RBM19: variants seen among roughly 807,000 people sequenced by gnomAD.
The protein encoded by RBM19 is probable RNA-binding protein 19.
In RBM19, 94 loss-of-function variants were observed where a neutral mutation model predicts 116.8. The ratio of observed to expected loss-of-function variants is 0.80; its 90% CI spans 0.68 to 0.95. The LOEUF (loss-of-function observed/expected upper bound fraction) is 0.95. RBM19 is among the 40% of genes least tolerant of loss of function. RBM19 has a pLI of 0.00. For synonymous variants in RBM19, 475 were observed against 494.1 expected, an observed-to-expected ratio of 0.96 and a Z score of 0.51; for missense variants, 1,161 against 1,220.7, an observed-to-expected ratio of 0.95 and a Z score of 0.73.
chr12:113,937,004 T>C lies in RBM19; in HGVS notation c.2068+3A>G. ...CCATCCTGGTCTCAGACTCAGCTCT[T>C]ACCTGTTTCTGGCTCTGCTGGGTCC... On this transcript the variant is annotated splice_donor_region_variant and intron_variant, in intron 16 of 23. Transcript: ENST00000261741. 3.7e-6 allele frequency: 6 copies of C among 1,613,726 alleles called. No individual in the cohort carries two copies. The highest frequency in any genetic ancestry group is 2.2e-5 in the South Asian group (2 of 91,036).
At chr12:113,962,032 C>T in intron 2 of RBM19, among the ~76,000 whole-genome samples, 200 bp downstream of exon 2, 1 of 152,218 alleles carries the variant, frequency 6.6e-6, no homozygotes, top group East Asian at 1.9e-4. Context: ...GAATCAGATG[C>T]TCTGGGGACG....
chr12:113,915,141 C>A, intron 20 of RBM19, 56 bp from the exon 21 acceptor site: 1 of 1,337,292 alleles, frequency 7.5e-7, no homozygotes, highest in Non-Finnish European at 1.1e-6. Context: ...AGCTCCTGCC[C>A]AACATTGACT....
intron 21 of RBM19, among the ~76,000 whole-genome samples, chr12:113,870,425 G>A (rs747603961): frequency 1.2e-4 from 19 of 152,216 alleles, no homozygotes; most frequent in Non-Finnish European, 2.2e-4. Flanking sequence ...GTGGTCTGCA[G>A]AGCATGAATC....
chr12:113,931,165 G>A (rs963025750), intron 16 of RBM19, among the ~76,000 whole-genome samples: 1 of 152,148 alleles, frequency 6.6e-6, no homozygotes, highest in African/African-American at 2.4e-5. Context: ...AAATTAATGT[G>A]AGTATATTGT....
At chr12:113,960,533 C>G (rs1281498529) in intron 2 of RBM19, among the ~76,000 whole-genome samples, 1 of 152,182 alleles carries the variant, frequency 6.6e-6, no homozygotes, top group Non-Finnish European at 1.5e-5. Context: ...GAAATTGGAG[C>G]ATCAAGAAGT....
intron 21 of RBM19, among the ~76,000 whole-genome samples, chr12:113,897,037 C>T (rs1237489178): frequency 6.6e-6 from 1 of 152,194 alleles, no homozygotes; most frequent in African/African-American, 2.4e-5. Context: ...CCTGAGGTGC[C>T]TTGGTACACA....
intron 21 of RBM19, among the ~76,000 whole-genome samples, chr12:113,896,595 G>GT (rs1343590898): frequency 1.3e-5 from 2 of 152,206 alleles, no homozygotes; most frequent in South Asian, 2.1e-4. Context: ...GGCAGGCTGG[G>GT]TTTTTTCCCG....
chr12:113,962,250 G>A lies in RBM19; in HGVS notation c.201C>T (p.Ile67=), dbSNP rs761600878. ...KAQKHFNKSF[I]DTSRITVEFC... ...CACTCACTGTGATCCGGGATGTGTC[G>A]ATGAAGCTCTTGTTGAAATGCTTCT... is the stretch of plus-strand genomic sequence containing the variant. The change falls in exon 2 of 24, where the codon ATC becomes ATT. Residue 67 remains isoleucine (I), a synonymous_variant. Transcript: ENST00000261741. 2.4e-5 allele frequency: 39 copies of A among 1,614,120 alleles called. No individual in the cohort carries two copies. Among genetic ancestry groups the A allele is most frequent in the Non-Finnish European group, 3.2e-5 (38 of 1,180,052 alleles).
At chr12:113,839,241 G>A (rs1403278371) in intron 23 of RBM19, among the ~76,000 whole-genome samples, 7 of 152,232 alleles carry the variant, frequency 4.6e-5, no homozygotes, top group Non-Finnish European at 1.0e-4. Context: ...TTTTCTCCAT[G>A]GGAAAAGGGC....
intron 21 of RBM19, among the ~76,000 whole-genome samples, chr12:113,870,638 T>A (rs1879144065): frequency 6.6e-6 from 1 of 152,094 alleles, no homozygotes; most frequent in East Asian, 1.9e-4. Flanking sequence ...GAATGTCCAC[T>A]GAGGTTGCAG....
chr12:113,867,231 C>T (rs924581434), intron 21 of RBM19, among the ~76,000 whole-genome samples: 1 of 152,208 alleles, frequency 6.6e-6, no homozygotes, highest in African/African-American at 2.4e-5. Flanking sequence ...GATGTGAACA[C>T]ATTTGTGGCT....
At chr12:113,902,516 T>G (rs1410620659) in intron 21 of RBM19, among the ~76,000 whole-genome samples, 3 of 151,318 alleles carry the variant, frequency 2.0e-5, no homozygotes, top group African/African-American at 7.3e-5. Flanking sequence ...GGAGGATCCC[T>G]TGAGCCCAGG....
chr12:113,853,206 GA>G (rs1256222845), intron 22 of RBM19, among the ~76,000 whole-genome samples: 1 of 152,208 alleles, frequency 6.6e-6, no homozygotes, highest in African/African-American at 2.4e-5. Context: ...TGGCAGAGTG[GA>G]AAAGTGAGAA....
intron 16 of RBM19, among the ~76,000 whole-genome samples, chr12:113,927,602 A>C (rs970376324): frequency 1.5e-4 from 14 of 93,008 alleles, no homozygotes; most frequent in Admixed American, 1.3e-3. Context: ...AAAAAAAAAA[A>C]AACAAAAAAA....
intron 13 of RBM19, 69 bp downstream of exon 13, chr12:113,945,759 G>T: frequency 2.2e-6 from 3 of 1,333,834 alleles, no homozygotes; most frequent in South Asian, 1.3e-5. Context: ...GCAGTACAAC[G>T]AGCCTCCTGC....
chr12:113,870,329 C>T (rs567481513), intron 21 of RBM19, among the ~76,000 whole-genome samples: 139 of 152,332 alleles, frequency 9.1e-4, no homozygotes, highest in African/African-American at 3.2e-3. Flanking sequence ...GTGCCCACTC[C>T]TTCGCCTGCC....
At chr12:113,958,100 G>A (rs1872136137) in intron 5 of RBM19, 50 bp from the exon 6 acceptor site, 1 of 1,555,414 alleles carries the variant, frequency 6.4e-7, no homozygotes, top group Non-Finnish European at 8.7e-7. Flanking sequence ...GCAAACCAGA[G>A]GTCAGAGGTA....
chr12:113,867,901 C>G (rs946237414), intron 21 of RBM19, among the ~76,000 whole-genome samples: 4 of 152,034 alleles, frequency 2.6e-5, no homozygotes, highest in Admixed American at 2.0e-4. Flanking sequence ...TGCACTCTAG[C>G]CTGGTTGAGA....
At chr12:113,924,614 C>A (rs1449149487) in intron 18 of RBM19, 83 bp downstream of exon 18, 8 of 1,241,366 alleles carry the variant, frequency 6.4e-6, no homozygotes, top group South Asian at 6.0e-5. Context: ...CTACCCCAAC[C>A]CCTTGTCTGA....
Sources: allele counts gnomAD v4.1 joint callset (sites outside exome capture counted in the v4.1 genomes callset), GRCh38; gene constraint gnomAD v4.1.1; transcripts MANE v1.5; gene names NCBI Gene and HGNC (gene_info 2026-07-23, HGNC 2026-07-21).